The following PEX16 variants were observed in gnomAD, a reference collection of about 807,000 sequenced individuals.
PEX16 encodes the protein peroxin 16.
PEX16 carries 37 observed loss-of-function variants against 50.5 expected under a neutral mutation model. The ratio of observed to expected loss-of-function variants is 0.73; its 90% CI spans 0.56 to 0.96. The LOEUF is 0.96. Ranked by LOEUF, PEX16 falls within the 40% of genes least tolerant of loss-of-function variation. The pLI is 0.00. For missense variants in PEX16, 401 were observed against 438.3 expected (o/e 0.91, Z 0.76); for synonymous variants, 185 against 190.3 (o/e 0.97, Z 0.23).
At chr11:45,916,128 T>C (rs2086832243) in intron 3 of PEX16, 99 bp downstream of exon 3, 2 of 920,630 alleles carry the variant, frequency 2.2e-6, no homozygotes, top group Non-Finnish European at 3.6e-6. Flanking sequence ...TAGGCCTGTC[T>C]CATACTCCAT....
At position 45,910,089 on chromosome 11, in the gene PEX16, T is replaced by A; in HGVS notation, c.*165A>T. The A allele has an allele frequency of 6.2e-7, 1 of 1,610,814 alleles. No individual in the cohort carries two copies. The highest frequency in any genetic ancestry group is 8.5e-7 in the Non-Finnish European group (1 of 1,179,484). ...GTGGCATCGTCACAGGAGAGCGCAG[T>A]CAAGGGTGTCCTGGGAGGAACGCTG... On this transcript the variant is annotated 3_prime_UTR_variant, in exon 11 of 11. Coordinates refer to ENST00000378750, the MANE Select transcript of PEX16 (RefSeq NM_004813.4).
chr11:45,914,963 AG>A (rs1193627859), intron 5 of PEX16, among the ~76,000 whole-genome samples: 1 of 152,226 alleles, frequency 6.6e-6, no homozygotes, highest in East Asian at 1.9e-4. Context: ...AAGGCAGGGA[AG>A]GCCCAGCCTG....
chr11:45,910,348 A>AC, intron 10 of PEX16, 36 bp from the exon 11 acceptor site: 1 of 1,538,658 alleles, frequency 6.5e-7, no homozygotes, highest in Non-Finnish European at 9.0e-7. Flanking sequence ...GGCAGGCCAG[A>AC]CCCCAATCTG....
intron 2 of PEX16, chr11:45,917,181 G>A (rs2086845815): frequency 1.4e-6 from 1 of 692,056 alleles, no homozygotes; most frequent in South Asian, 1.5e-5. Context: ...CACTTAATAT[G>A]ACTGTAGGGA....
intron 9 of PEX16, among the ~76,000 whole-genome samples, chr11:45,913,009 T>A (rs1248856333): frequency 6.6e-6 from 1 of 151,912 alleles, no homozygotes; most frequent in Non-Finnish European, 1.5e-5. Context: ...TTTTTTTTTT[T>A]TTTTTGTAGA....
chr11:45,914,828 C>A, intron 5 of PEX16, 144 bp from the exon 6 acceptor site: 9 of 768,878 alleles, frequency 1.2e-5, no homozygotes, highest in Non-Finnish European at 2.1e-5. Context: ...AAGGGAACTA[C>A]AAGCAGGGTG....
rs754825517 is a variant in PEX16, at chr11:45,917,471, CTCG to C, written c.132_134del (p.His44_Glu45delinsGln). ...AGCCCGGCTCACCCAGCTCTGACAG[CTCG>C]TGCGAATCGGCGAATCGACCTGGGG... is the stretch of plus-strand genomic sequence containing the variant. On this transcript the variant is annotated inframe_deletion, in exon 2 of 11. Transcript: ENST00000378750. 1.2e-5 allele frequency: 20 copies of C among 1,613,950 alleles called. No individual in the cohort carries two copies. Among genetic ancestry groups the C allele is most frequent in the Middle Eastern group, 1.6e-4 (1 of 6,084 alleles).
In PEX16 at chr11:45,910,913, C is replaced by A; in HGVS notation, c.937G>T (p.Val313Phe). Reference protein sequence around the residue: ...LQLLADHVPGVGLVTRPLMDY... With the variant: ...LQLLADHVPGFGLVTRPLMDY... ...CCCTGCTTACTTGTGACCAGGCCAA[C>A]GCCAGGGACGTGGTCGGCCAGCAAC... Residue 313 changes from valine to phenylalanine, a missense_variant, in exon 10 of 11, where the codon GTT (valine) becomes TTT (phenylalanine). Transcript: ENST00000378750. 1 of 1,613,604 alleles carries A rather than the reference C, an allele frequency of 6.2e-7. No homozygotes were observed. Among genetic ancestry groups the A allele is most frequent in the East Asian group, 2.2e-5 (1 of 44,888 alleles).
At position 45,914,695 on chromosome 11, in the gene PEX16, T is replaced by G. The variant is rs1297070831; in HGVS notation, c.461-11A>C. The stretch of plus-strand genomic sequence containing the variant: ...GGCTGTGGTCACCATCTAGCAGGGA[T>G]AGACAGAAGGCCATACAGTCAGAGG... On this transcript the variant is annotated splice_polypyrimidine_tract_variant and intron_variant, in intron 5 of 10. Coordinates refer to ENST00000378750, the MANE Select transcript of PEX16 (RefSeq NM_004813.4). The G allele has an allele frequency of 6.2e-7, 1 of 1,611,324 alleles. No individual in the cohort carries two copies.
rs192414803 is a variant in PEX16, at chr11:45,912,754, G to A, written c.887+1065C>T. On this transcript the variant is annotated intron_variant, in intron 9 of 10. Coordinates refer to ENST00000378750, the MANE Select transcript of PEX16 (RefSeq NM_004813.4). Reference sequence around the variant, plus strand: ...CCCGACCTTGTGATCCGCCCGCCTCGGCCTCCCAAAGTGTTGGGATTACAG... The same window carrying A: ...CCCGACCTTGTGATCCGCCCGCCTCAGCCTCCCAAAGTGTTGGGATTACAG... Among the ~76,000 whole-genome samples the A allele has an allele frequency of 4.1e-3, 625 of 152,018 alleles. 11 individuals carry two copies. Among genetic ancestry groups the A allele is most frequent in the Admixed American group, 0.037 (569 of 15,260 alleles).
At chr11:45,913,998 A>C in intron 8 of PEX16, 60 bp from the exon 9 acceptor site, 9 of 1,606,332 alleles carry the variant, frequency 5.6e-6, no homozygotes, top group Non-Finnish European at 6.8e-6. Context: ...ACGGAAGGGG[A>C]GGAGCCATGG....
At position 45,917,754 on chromosome 11, in the gene PEX16, C is replaced by A; in HGVS notation, c.58G>T (p.Ala20Ser). Residue 20 changes from alanine (A) to serine (S), a missense_variant, in exon 1 of 11, where the codon GCC becomes TCC. Coordinates refer to ENST00000378750, the MANE Select transcript of PEX16 (RefSeq NM_004813.4). ...GCTGTCTCCAGCTGGGCCGTGGCGG[C>A]CGGGTGACGAGTCACGTACTCCTGG... ...RYQEYVTRHPAATAQLETAVR... is the reference protein window; with the variant it reads ...RYQEYVTRHPSATAQLETAVR... 1 of 1,556,862 alleles carries A rather than the reference C, an allele frequency of 6.4e-7. No individual in the cohort carries two copies. Among genetic ancestry groups the A allele is most frequent in the Non-Finnish European group, 8.7e-7 (1 of 1,151,346 alleles).
rs369341299 is a variant in PEX16 at position 45,910,879 on chromosome 11, C to T, written c.952+19G>A. On this transcript the variant is annotated intron_variant, in intron 10 of 10. Transcript: ENST00000378750. Reference sequence around the variant, plus strand: ...GCGCCTTCCAGCACTACAGTCATCGCGTCCCCATCCCTGCTTACTTGTGAC... The same window carrying T: ...GCGCCTTCCAGCACTACAGTCATCGTGTCCCCATCCCTGCTTACTTGTGAC... 2.0e-5 allele frequency: 33 copies of T among 1,610,716 alleles called. No homozygotes were observed. The African/African-American group carries it at 2.4e-4, about 12-fold the overall frequency.
chr11:45,914,610 G>T lies in PEX16; in HGVS notation c.535C>A (p.Gln179Lys). The change falls in exon 6 of 11, where the codon CAG becomes AAG. Residue 179 changes from glutamine (Q) to lysine (K), a missense_variant. Transcript: ENST00000378750. ...AGCCACATCCTCCACTTACTGTTCT[G>T]GAGGGTTCGCACCACCCGGTTTGAC... ...KRSNRVVRTL[Q>K]NTPSLHSRHW... is the part of the protein sequence containing the mutation. 6.2e-7 allele frequency: 1 copy of T among 1,614,094 alleles called. No homozygotes were observed. The highest frequency in any genetic ancestry group is 8.5e-7 in the Non-Finnish European group (1 of 1,179,968).
At chr11:45,911,046 A>G in intron 9 of PEX16, 84 bp from the exon 10 acceptor site, 1 of 929,838 alleles carries the variant, frequency 1.1e-6, no homozygotes, top group Non-Finnish European at 1.8e-6. Context: ...GCCTTCACTG[A>G]CCACCGTGCC....
In PEX16 at chr11:45,909,787, C is replaced by T. The variant is rs1213061126; in HGVS notation, c.*467G>A. 1 of 480,224 alleles carries T rather than the reference C, an allele frequency of 2.1e-6. No individual in the cohort carries two copies. Among genetic ancestry groups the T allele is most frequent in the East Asian group, 3.7e-5 (1 of 27,150 alleles). 29.7% of individuals were successfully genotyped at this position (480,224 alleles called of 1,614,324 possible). On this transcript the variant is annotated 3_prime_UTR_variant, in exon 11 of 11. Transcript: ENST00000378750. ...ACAGGGAGGCTGGCAACGCCATGGCCTGGGGCTGCCAGAGCCACAGGGCCC... is the reference window on the plus strand; with the variant it reads ...ACAGGGAGGCTGGCAACGCCATGGCTTGGGGCTGCCAGAGCCACAGGGCCC...
At chr11:45,912,291 G>T (rs1159279906) in intron 9 of PEX16, among the ~76,000 whole-genome samples, 2 of 152,044 alleles carry the variant, frequency 1.3e-5, no homozygotes, top group Non-Finnish European at 2.9e-5. Context: ...GAGGTCAGGA[G>T]ATCGAGACCA....
At chr11:45,914,570 C>G (rs753220876) in intron 6 of PEX16, 34 bp downstream of exon 6, 1 of 1,613,334 alleles carries the variant, frequency 6.2e-7, no homozygotes, top group Non-Finnish European at 8.5e-7. Flanking sequence ...CAGACAGCAC[C>G]TAGGTGCCCA....
chr11:45,913,012 T>G (rs2086794650), intron 9 of PEX16, among the ~76,000 whole-genome samples: 1 of 151,768 alleles, frequency 6.6e-6, no homozygotes, highest in Admixed American at 6.6e-5. Context: ...TTTTTTTTTT[T>G]TTGTAGAATT....
Sources: allele counts gnomAD v4.1 joint callset (sites outside exome capture counted in the v4.1 genomes callset), GRCh38; gene constraint gnomAD v4.1.1; transcripts MANE v1.5; gene names NCBI Gene and HGNC (gene_info 2026-07-23, HGNC 2026-07-21).